The following TMEM131L variants were observed in gnomAD, a reference collection of about 807,000 sequenced individuals.
TMEM131L encodes transmembrane protein 131-like.
Under a neutral mutation model 192.2 loss-of-function variants are expected in TMEM131L, and 54 were observed. The ratio of observed to expected loss-of-function variants is 0.28; its 90% CI spans 0.23 to 0.35. The LOEUF (loss-of-function observed/expected upper bound fraction) is 0.35, where lower values mean the gene tolerates loss of function less well. Among genes scored for constraint, TMEM131L ranks in the 10% least tolerant of loss-of-function variants. TMEM131L has a pLI of 1.00. For missense variants in TMEM131L, 1,888 were observed against 1,972.9 expected, an observed-to-expected ratio of 0.96 and a Z score of 0.82; for synonymous variants, 701 against 704.9, an observed-to-expected ratio of 0.99 and a Z score of 0.09.
chr4:153,479,987 G>C (rs1237001319), intron 3 of TMEM131L, among the ~76,000 whole-genome samples: 1 of 152,226 alleles, frequency 6.6e-6, no homozygotes, highest in Non-Finnish European at 1.5e-5. Context: ...AAGGCGGGCG[G>C]ATCACCTGAC....
At chr4:153,502,472 C>T (rs1417147758) in intron 3 of TMEM131L, among the ~76,000 whole-genome samples, 1 of 152,174 alleles carries the variant, frequency 6.6e-6, no homozygotes. Context: ...ATCATTTATT[C>T]TGACTCTTTG....
chr4:153,590,696 T>G (rs893153518), intron 16 of TMEM131L, among the ~76,000 whole-genome samples: 1 of 152,232 alleles, frequency 6.6e-6, no homozygotes, highest in Admixed American at 6.5e-5. Context: ...GTGTTTCTCT[T>G]GCTTTTAAGC....
Position 153,602,191 on chromosome 4 carries a change from A to G in TMEM131L, c.2306A>G (p.Asn769Ser). Residue 769 changes from asparagine (N) to serine (S), a missense_variant, in exon 22 of 35, where the codon AAC becomes AGC. By Grantham distance (46) the Asn-to-Ser change is conservative (BLOSUM62 1). Coordinates refer to ENST00000409959, the MANE Select transcript of TMEM131L (RefSeq NM_001131007.2). Reference sequence around the variant, plus strand: ...AAGCAAATTTTATCTATTACAAAGAACTTTAAAGTTGAGAATATTGGACCT... The same window carrying G: ...AAGCAAATTTTATCTATTACAAAGAGCTTTAAAGTTGAGAATATTGGACCT... The part of the protein sequence containing the change: ...DSKQILSITK[N>S]FKVENIGPLP... 6.2e-7 allele frequency: 1 copy of G among 1,608,494 alleles called. No homozygotes were observed. The highest frequency in any genetic ancestry group is 8.5e-7 in the Non-Finnish European group (1 of 1,177,682).
intron 3 of TMEM131L, among the ~76,000 whole-genome samples, chr4:153,505,698 A>G (rs1733939587): frequency 6.6e-6 from 1 of 152,236 alleles, no homozygotes; most frequent in Non-Finnish European, 1.5e-5. Flanking sequence ...AGACAGTACT[A>G]TAATTTTATT....
At chr4:153,620,959 C>A in intron 27 of TMEM131L, 79 bp downstream of exon 27, 1 of 1,099,062 alleles carries the variant, frequency 9.1e-7, no homozygotes, top group Non-Finnish European at 1.3e-6. Flanking sequence ...CACTTTTAAA[C>A]TTATTTCGGT....
chr4:153,507,055 T>A (rs1289806035), intron 3 of TMEM131L, among the ~76,000 whole-genome samples: 1 of 152,052 alleles, frequency 6.6e-6, no homozygotes, highest in African/African-American at 2.4e-5. Context: ...GCACATTTTT[T>A]AAGGATTAAC....
At chr4:153,508,346 G>A (rs557074905) in intron 3 of TMEM131L, among the ~76,000 whole-genome samples, 3 of 152,282 alleles carry the variant, frequency 2.0e-5, no homozygotes, top group Admixed American at 2.0e-4. Flanking sequence ...AAATATTGTG[G>A]TGTCCATATG....
intron 7 of TMEM131L, among the ~76,000 whole-genome samples, chr4:153,571,637 A>G (rs964387952): frequency 5.3e-5 from 8 of 152,172 alleles, no homozygotes; most frequent in Non-Finnish European, 1.2e-4. Flanking sequence ...TACAGTTATT[A>G]CAACCTTGGC....
At position 153,501,202 on chromosome 4, in the gene TMEM131L, G is replaced by GTTT. The variant is rs34750703; in HGVS notation, c.239+27333_239+27335dup. Reference sequence around the variant, plus strand: ...TGCCCACCTCACAGGGGTTTTGCAAGTTTTTTTTTTTTTTTTTTTTTGAGA... The same window carrying GTTT: ...TGCCCACCTCACAGGGGTTTTGCAAGTTTTTTTTTTTTTTTTTTTTTTTTGAGA... On this transcript the variant is annotated intron_variant, in intron 3 of 34. Coordinates refer to ENST00000409959, the MANE Select transcript of TMEM131L (RefSeq NM_001131007.2). 4.2e-3 allele frequency among the ~76,000 whole-genome samples: 536 copies of GTTT among 127,512 alleles called. 5 individuals are homozygous for GTTT. The highest frequency in any genetic ancestry group is 0.015 in the African/African-American group (484 of 32,532). 83.7% of individuals were successfully genotyped at this position (127,512 alleles called of 152,430 possible).
At chr4:153,557,133 G>A (rs764155544) in intron 6 of TMEM131L, 51 bp downstream of exon 6, 3 of 809,966 alleles carry the variant, frequency 3.7e-6, no homozygotes, top group Non-Finnish European at 6.4e-6. Flanking sequence ...CTTAACTGTA[G>A]GGGTGTGTGT....
At chr4:153,489,072 G>A (rs1290316812) in intron 3 of TMEM131L, among the ~76,000 whole-genome samples, 1 of 152,190 alleles carries the variant, frequency 6.6e-6, no homozygotes, top group Non-Finnish European at 1.5e-5. Flanking sequence ...AGGTACTGGG[G>A]TTAGGACTTT....
chr4:153,556,629 G>A (rs748953710), intron 5 of TMEM131L, among the ~76,000 whole-genome samples: 4 of 152,186 alleles, frequency 2.6e-5, no homozygotes, highest in Admixed American at 6.5e-5. Context: ...ATGTTTGCAC[G>A]TTGGTTATTG....
chr4:153,534,616 G>A (rs1239951731), intron 3 of TMEM131L, among the ~76,000 whole-genome samples: 1 of 152,102 alleles, frequency 6.6e-6, no homozygotes, highest in African/African-American at 2.4e-5. Context: ...TGTATTTTTA[G>A]TAGAGACGGG....
At chr4:153,543,852 G>A (rs1043415445) in intron 3 of TMEM131L, among the ~76,000 whole-genome samples, 1 of 152,218 alleles carries the variant, frequency 6.6e-6, no homozygotes, top group African/African-American at 2.4e-5. Context: ...CCAGCTGTGG[G>A]ATCTCTCATT....
chr4:153,598,662 A>G lies in TMEM131L; in HGVS notation c.2196A>G (p.Gly732=). Residue 732 remains glycine, a synonymous_variant, in exon 21 of 35, where the codon GGA becomes GGG. Coordinates refer to ENST00000409959, the MANE Select transcript of TMEM131L (RefSeq NM_001131007.2). ...FGARELLKVG[G]RLPGAGGSLR... ...CAAGAGAGTTATTAAAAGTGGGTGG[A>G]AGACTTCCTGGTGCAGGAGGCTCAC... 6.2e-7 allele frequency: 1 copy of G among 1,614,012 alleles called. No individual in the cohort carries two copies. Among genetic ancestry groups the G allele is most frequent in the Non-Finnish European group, 8.5e-7 (1 of 1,179,920 alleles).
At chr4:153,475,357 A>G (rs1580010213) in intron 3 of TMEM131L, among the ~76,000 whole-genome samples, 2 of 152,210 alleles carry the variant, frequency 1.3e-5, no homozygotes, top group Non-Finnish European at 2.9e-5. Context: ...TTTAGAGAAT[A>G]TACGGATAGT....
intron 23 of TMEM131L, among the ~76,000 whole-genome samples, chr4:153,602,984 A>G (rs1011584749): frequency 6.6e-6 from 1 of 152,210 alleles, no homozygotes; most frequent in Non-Finnish European, 1.5e-5. Context: ...ATAGGCAGTC[A>G]TGGTGGATGA....
At chr4:153,617,250 T>C (rs537015728) in intron 26 of TMEM131L, among the ~76,000 whole-genome samples, 16 of 152,302 alleles carry the variant, frequency 1.1e-4, no homozygotes, top group South Asian at 1.0e-3. Flanking sequence ...CCTTCTGCCA[T>C]GATTGTGAGG....
chr4:153,618,030 T>C (rs1733116016), intron 26 of TMEM131L, among the ~76,000 whole-genome samples: 1 of 152,254 alleles, frequency 6.6e-6, no homozygotes, highest in South Asian at 2.1e-4. Context: ...GCTAAGAAAC[T>C]AAGCAAACTT....
Sources: gnomAD v4.1 joint callset for allele counts (sites outside exome capture counted in the v4.1 genomes callset) on GRCh38, gnomAD v4.1.1 for gene constraint, MANE v1.5 for transcripts, NCBI Gene and HGNC (gene_info 2026-07-23, HGNC 2026-07-21) for gene names.